The following GRM7 variants were observed in gnomAD, a reference collection of about 807,000 sequenced individuals.
GRM7 encodes glutamate metabotropic receptor 7.
GRM7 carries 35 observed loss-of-function variants against 84.5 expected under a neutral mutation model. The ratio of observed to expected loss-of-function variants is 0.41; its 90% CI spans 0.32 to 0.55. GRM7 has a LOEUF of 0.55. Ranked by LOEUF, GRM7 falls within the 20% of genes least tolerant of loss-of-function variation. The probability of loss-of-function intolerance (pLI) is 0.19; values close to 1 mark genes in which losing one functional copy is unlikely to be tolerated. For synonymous variants in GRM7, 487 were observed against 455.1 expected, an observed-to-expected ratio of 1.07 and a Z score of -0.89; for missense variants, 1,003 against 1,194.6, an observed-to-expected ratio of 0.84 and a Z score of 2.36.
chr3:7,170,605 G>A (rs1694951770), intron 2 of GRM7, among the ~76,000 whole-genome samples: 1 of 152,270 alleles, frequency 6.6e-6, no homozygotes, highest in African/African-American at 2.4e-5. Context: ...TAGATGTGAA[G>A]GAAGCTGGGG....
chr3:7,501,277 C>T (rs1380790669), intron 7 of GRM7, among the ~76,000 whole-genome samples: 2 of 152,086 alleles, frequency 1.3e-5, no homozygotes, highest in East Asian at 3.9e-4. Flanking sequence ...CAAAACTCAC[C>T]CTTTTGAACA....
chr3:7,489,187 T>G (rs1211351899), intron 7 of GRM7, among the ~76,000 whole-genome samples: 3 of 152,184 alleles, frequency 2.0e-5, no homozygotes, highest in Non-Finnish European at 4.4e-5. Flanking sequence ...GAAATATATT[T>G]TACAACATGA....
intron 4 of GRM7, among the ~76,000 whole-genome samples, chr3:7,358,357 G>C (rs1419082019): frequency 1.6e-5 from 2 of 124,998 alleles, no homozygotes; most frequent in Non-Finnish European, 3.4e-5. Context: ...CTGAGTCCCA[G>C]GAGATCATCA....
intron 4 of GRM7, among the ~76,000 whole-genome samples, chr3:7,332,639 C>T (rs905922632): frequency 2.6e-5 from 4 of 152,128 alleles, no homozygotes; most frequent in African/African-American, 9.7e-5. Context: ...ATGCAGCTCC[C>T]ACTTAGATGA....
At chr3:7,113,212 C>G (rs904198136) in intron 1 of GRM7, among the ~76,000 whole-genome samples, 1 of 152,012 alleles carries the variant, frequency 6.6e-6, no homozygotes, top group Non-Finnish European at 1.5e-5. Flanking sequence ...ATGTACGAAA[C>G]AATTCTAAGT....
At chr3:7,276,201 A>G (rs1254604279) in intron 2 of GRM7, among the ~76,000 whole-genome samples, 45 of 134,238 alleles carry the variant, frequency 3.4e-4, no homozygotes, top group Admixed American at 7.0e-4. Flanking sequence ...TTATATATAT[A>G]TATATATGTG....
rs189217667 is a variant in GRM7, at chr3:7,514,268, A to G, written c.1515+52546A>G. Among the ~76,000 whole-genome samples, 103 of 152,340 alleles carry G rather than the reference A, an allele frequency of 6.8e-4. 1 individual carries two copies. The highest frequency in any genetic ancestry group is 2.4e-3 in the African/African-American group (101 of 41,590). On this transcript the variant is annotated intron_variant, in intron 7 of 9. Transcript: ENST00000357716. ...ATCCTAGAGAGGAACAAAAAGAAAA[A>G]GTTGGAGATAGATGCTCACTCTAGG...
chr3:7,399,761 C>G (rs1480593262), intron 4 of GRM7, among the ~76,000 whole-genome samples: 1 of 152,148 alleles, frequency 6.6e-6, no homozygotes, highest in Non-Finnish European at 1.5e-5. Context: ...CTTTCCACTC[C>G]TCCTCCCCAC....
intron 1 of GRM7, among the ~76,000 whole-genome samples, chr3:7,059,226 A>G (rs1291363035): frequency 1.3e-5 from 2 of 151,002 alleles, no homozygotes; most frequent in Non-Finnish European, 3.0e-5. Context: ...TTTTTTCAGT[A>G]GGACAAAGTA....
In GRM7 at chr3:7,718,740, G is replaced by T. The variant is rs562273985; in HGVS notation, c.2699-21617G>T. Among the ~76,000 whole-genome samples the T allele has an allele frequency of 2.8e-4, 43 of 152,286 alleles. 1 individual carries two copies. Among genetic ancestry groups the T allele is most frequent in the Middle Eastern group, 6.8e-3 (2 of 294 alleles). ...TAGACTTCCTAGTTGGGAGGTGGTT[G>T]ACATATTGGCCTCCAGGTCTGCTTC... is the stretch of plus-strand genomic sequence containing the variant. On this transcript the variant is annotated intron_variant, in intron 9 of 9. Coordinates refer to ENST00000357716, the MANE Select transcript of GRM7 (RefSeq NM_000844.4).
intron 2 of GRM7, among the ~76,000 whole-genome samples, chr3:7,298,325 CT>C (rs1699881698): frequency 6.6e-6 from 1 of 152,104 alleles, no homozygotes; most frequent in Admixed American, 6.5e-5. Flanking sequence ...TTGTGGTTTA[CT>C]TTTTGTAGTG....
chr3:7,379,260 A>T (rs1694486546), intron 4 of GRM7, among the ~76,000 whole-genome samples: 1 of 152,022 alleles, frequency 6.6e-6, no homozygotes, highest in Admixed American at 6.6e-5. Flanking sequence ...ATTTTAGTAG[A>T]GACTGGGTTT....
At chr3:7,261,632 C>T (rs900709806) in intron 2 of GRM7, among the ~76,000 whole-genome samples, 1 of 152,084 alleles carries the variant, frequency 6.6e-6, no homozygotes, top group African/African-American at 2.4e-5. Context: ...TTGATCCTGT[C>T]ATTATGTTAG....
At chr3:7,538,684 A>G (rs890676664) in intron 7 of GRM7, among the ~76,000 whole-genome samples, 4 of 151,642 alleles carry the variant, frequency 2.6e-5, no homozygotes, top group Non-Finnish European at 5.9e-5. Context: ...TTATAGCAAT[A>G]TGCTGTACCA....
intron 4 of GRM7, among the ~76,000 whole-genome samples, chr3:7,395,849 T>C (rs1197471514): frequency 2.0e-5 from 3 of 152,158 alleles, no homozygotes; most frequent in Non-Finnish European, 2.9e-5. Context: ...TATACCATTG[T>C]AGGAAGACTG....
chr3:7,298,897 C>T, intron 3 of GRM7, 72 bp downstream of exon 3: 1 of 1,338,978 alleles, frequency 7.5e-7, no homozygotes, highest in Non-Finnish European at 1.1e-6. Flanking sequence ...AGGCTGCTGG[C>T]TGAGACAGGA....
chr3:7,150,617 C>A (rs1415220655), intron 2 of GRM7, among the ~76,000 whole-genome samples: 5 of 152,294 alleles, frequency 3.3e-5, no homozygotes, highest in Admixed American at 2.0e-4. Context: ...TTTTGTAAAA[C>A]AGTTATATTT....
intron 4 of GRM7, among the ~76,000 whole-genome samples, chr3:7,400,684 C>A (rs1018861785): frequency 6.6e-6 from 1 of 152,150 alleles, no homozygotes. Context: ...TCTATCCTGG[C>A]ATTTTTCTTC....
intron 8 of GRM7, among the ~76,000 whole-genome samples, chr3:7,634,351 GAAGAAACAGCAACAAA>G (rs1697978261): frequency 6.6e-6 from 1 of 151,848 alleles, no homozygotes; most frequent in Admixed American, 6.6e-5. Flanking sequence ...CCTATTTCTT[GAAGAAACAGCAACAAA>G]AACATTGACA....
Sources: gnomAD v4.1 joint callset for allele counts (sites outside exome capture counted in the v4.1 genomes callset) on GRCh38, gnomAD v4.1.1 for gene constraint, MANE v1.5 for transcripts, NCBI Gene and HGNC (gene_info 2026-07-23, HGNC 2026-07-21) for gene names.